ZBTB20: variants seen among roughly 807,000 people sequenced by gnomAD.
The protein encoded by ZBTB20 is zinc finger and BTB domain containing 20.
A neutral mutation model predicts 56.9 loss-of-function variants in ZBTB20; 9 were observed. That is an observed-to-expected ratio of 0.16 (90% confidence interval 0.10 to 0.28). The LOEUF (loss-of-function observed/expected upper bound fraction) is 0.28. ZBTB20 is among the 10% of genes least tolerant of loss of function. The pLI, the probability that ZBTB20 is intolerant of heterozygous loss-of-function variation, is 1.00. For missense variants in ZBTB20, 655 were observed against 1,003.0 expected, an observed-to-expected ratio of 0.65 and a Z score of 4.69; for synonymous variants, 417 against 420.7, an observed-to-expected ratio of 0.99 and a Z score of 0.11.
chr3:114,619,087 G>C (rs2058137217), intron 6 of ZBTB20, among the ~76,000 whole-genome samples: 1 of 152,160 alleles, frequency 6.6e-6, no homozygotes, highest in South Asian at 2.1e-4. Flanking sequence ...GAATGAACTG[G>C]AAGGTGAGTG....
At chr3:114,694,071 T>A (rs183733303) in intron 5 of ZBTB20, among the ~76,000 whole-genome samples, 1 of 152,104 alleles carries the variant, frequency 6.6e-6, no homozygotes, top group Admixed American at 6.6e-5. Context: ...GAATAAGCTA[T>A]GGATTATTTA....
At chr3:114,957,683 G>T (rs576121397) in intron 3 of ZBTB20, among the ~76,000 whole-genome samples, 2 of 152,006 alleles carry the variant, frequency 1.3e-5, no homozygotes, top group African/African-American at 2.4e-5. Context: ...CCTTTTCATC[G>T]TGACAACCAC....
At chr3:114,483,768 TTTTAAGTTGATTAAC>T (rs1166034439) in intron 7 of ZBTB20, among the ~76,000 whole-genome samples, 1 of 152,160 alleles carries the variant, frequency 6.6e-6, no homozygotes, top group South Asian at 2.1e-4. Flanking sequence ...TTTAAGAGAA[TTTTAAGTTGATTAAC>T]TTTTTATTTG....
intron 7 of ZBTB20, among the ~76,000 whole-genome samples, chr3:114,406,493 T>C (rs1474760242): frequency 6.6e-6 from 1 of 152,152 alleles, no homozygotes; most frequent in Non-Finnish European, 1.5e-5. Flanking sequence ...AACAACTTCC[T>C]GTACCATGTT....
chr3:114,707,576 A>C (rs2063787155), intron 5 of ZBTB20, among the ~76,000 whole-genome samples: 1 of 152,176 alleles, frequency 6.6e-6, no homozygotes, highest in Non-Finnish European at 1.5e-5. Context: ...CAGTTTTGAA[A>C]ATGTCGGGAA....
intron 2 of ZBTB20, among the ~76,000 whole-genome samples, chr3:115,040,040 T>C (rs1305610870): frequency 1.3e-5 from 2 of 152,146 alleles, no homozygotes; most frequent in Non-Finnish European, 2.9e-5. Flanking sequence ...TATTTCACAC[T>C]GAGTATATAT....
At chr3:115,134,489 T>C (rs80047738) in intron 1 of ZBTB20, among the ~76,000 whole-genome samples, 2,141 of 152,288 alleles carry the variant, frequency 0.014, 58 homozygotes, top group African/African-American at 0.048. Context: ...TCATCTTTTT[T>C]TTTTCAATAT....
chr3:114,332,072 T>TG lies in ZBTB20; in HGVS notation c.*6932_*6933insC. 1 of 149,166 alleles carries TG rather than the reference T, an allele frequency of 6.7e-6. No individual in the cohort carries two copies. Among genetic ancestry groups the TG allele is most frequent in the East Asian group, 1.9e-4 (1 of 5,140 alleles). 9.2% of individuals were successfully genotyped at this position (149,166 alleles called of 1,614,324 possible). A position where few individuals can be genotyped will look rare whatever the true frequency, so the allele number is the denominator to read the frequency against. Reference sequence around the variant, plus strand: ...ATGCCCCCAAGGTTTTTTTTTTTTTTTTTTTTTTTTTCTCTCTTGGATGTA... The same window carrying TG: ...ATGCCCCCAAGGTTTTTTTTTTTTTTGTTTTTTTTTTTCTCTCTTGGATGTA... On this transcript the variant is annotated 3_prime_UTR_variant, in exon 12 of 12. Coordinates refer to ENST00000675478, the MANE Select transcript of ZBTB20 (RefSeq NM_001348800.3).
chr3:114,950,249 C>T (rs985843079), intron 3 of ZBTB20, among the ~76,000 whole-genome samples: 2 of 151,980 alleles, frequency 1.3e-5, no homozygotes, highest in Non-Finnish European at 2.9e-5. Flanking sequence ...TACATAAATA[C>T]CTATTTAAGA....
At chr3:114,705,434 T>C (rs1431795349) in intron 5 of ZBTB20, among the ~76,000 whole-genome samples, 2 of 152,132 alleles carry the variant, frequency 1.3e-5, no homozygotes, top group Non-Finnish European at 2.9e-5. Flanking sequence ...TAACTTCCAG[T>C]CTATGAACAT....
chr3:114,880,755 T>C (rs1299870988), intron 4 of ZBTB20, among the ~76,000 whole-genome samples: 1 of 152,164 alleles, frequency 6.6e-6, no homozygotes, highest in South Asian at 2.1e-4. Context: ...AAAAAAATCA[T>C]GTCACAAAAA....
chr3:115,019,024 T>G (rs894225228), intron 2 of ZBTB20, among the ~76,000 whole-genome samples: 1 of 151,242 alleles, frequency 6.6e-6, no homozygotes, highest in African/African-American at 2.4e-5. Context: ...CCCTCCAGAT[T>G]GTGTGATTTT....
At chr3:115,050,792 T>C (rs186486336) in intron 2 of ZBTB20, among the ~76,000 whole-genome samples, 124 of 152,112 alleles carry the variant, frequency 8.2e-4, no homozygotes, top group African/African-American at 2.6e-3. Context: ...GATATGGACA[T>C]ATGGTTAAAA....
chr3:114,583,128 T>C (rs946792555), intron 6 of ZBTB20, among the ~76,000 whole-genome samples: 2 of 152,222 alleles, frequency 1.3e-5, no homozygotes, highest in Admixed American at 6.5e-5. Context: ...AAAGAGATGA[T>C]ACCTTTTCAA....
chr3:114,740,911 G>A (rs773445941), intron 5 of ZBTB20, among the ~76,000 whole-genome samples: 3 of 152,160 alleles, frequency 2.0e-5, no homozygotes, highest in Non-Finnish European at 4.4e-5. Context: ...TGGCAGCAAT[G>A]TTTCCCTGCT....
At chr3:114,390,615 C>T (rs2085762018) in intron 7 of ZBTB20, among the ~76,000 whole-genome samples, 1 of 152,200 alleles carries the variant, frequency 6.6e-6, no homozygotes, top group Admixed American at 6.5e-5. Context: ...TACCCCAGTC[C>T]TCCCTGACCT....
intron 7 of ZBTB20, among the ~76,000 whole-genome samples, chr3:114,440,985 A>G (rs771488222): frequency 6.6e-6 from 1 of 152,196 alleles, no homozygotes; most frequent in African/African-American, 2.4e-5. Flanking sequence ...TTACGGTGAC[A>G]TATTTGATAA....
chr3:114,319,326 C>T lies in ZBTB20; in HGVS notation c.*19679G>A, dbSNP rs1576165581. On this transcript the variant is annotated 3_prime_UTR_variant, in exon 12 of 12. Coordinates refer to ENST00000675478, the MANE Select transcript of ZBTB20 (RefSeq NM_001348800.3). ...CCAACAATTTTTTTCCTCTCCTAAACATTAACCTTCAGTCTAGGGCACAAT... is the reference window on the plus strand; with the variant it reads ...CCAACAATTTTTTTCCTCTCCTAAATATTAACCTTCAGTCTAGGGCACAAT... The T allele has an allele frequency of 6.6e-6, 1 of 151,996 alleles. No homozygotes were observed. Among genetic ancestry groups the T allele is most frequent in the Admixed American group, 6.5e-5 (1 of 15,274 alleles). 9.4% of individuals were successfully genotyped at this position (151,996 alleles called of 1,614,324 possible). A position where few individuals can be genotyped will look rare whatever the true frequency, so the allele number is the denominator to read the frequency against.
rs901271769 is a variant in ZBTB20 at position 114,335,773 on chromosome 3, A to T, written c.*3232T>A. ...TGGACTACAATGATTATATCACCTC[A>T]TTAAGAATTCTTTAGGGATCCTCCA... On this transcript the variant is annotated 3_prime_UTR_variant, in exon 12 of 12. Transcript: ENST00000675478. 8 of 152,128 alleles carry T rather than the reference A, an allele frequency of 5.3e-5. No individual in the cohort carries two copies. Among genetic ancestry groups the T allele is most frequent in the Non-Finnish European group, 8.8e-5 (6 of 68,014 alleles). The allele number at this position is 152,128 out of a possible 1,614,324, so 9.4% of individuals were successfully genotyped here. A position where few individuals can be genotyped will look rare whatever the true frequency, so the allele number is the denominator to read the frequency against.
Sources: gnomAD v4.1 joint callset for allele counts (sites outside exome capture counted in the v4.1 genomes callset) on GRCh38, gnomAD v4.1.1 for gene constraint, MANE v1.5 for transcripts, NCBI Gene and HGNC (gene_info 2026-07-23, HGNC 2026-07-21) for gene names.